CSMD1: variants seen among roughly 807,000 people sequenced by gnomAD.
The protein encoded by CSMD1 is CUB and sushi domain-containing protein 1.
A neutral mutation model predicts 417.5 loss-of-function variants in CSMD1; 213 were observed. The ratio of observed to expected loss-of-function variants is 0.51; its 90% CI spans 0.46 to 0.57. The LOEUF (loss-of-function observed/expected upper bound fraction) is 0.57. Ranked by LOEUF, CSMD1 falls within the 20% of genes least tolerant of loss-of-function variation. The probability of loss-of-function intolerance (pLI) is 0.00; values close to 1 mark genes in which losing one functional copy is unlikely to be tolerated. For synonymous variants in CSMD1, 2,862 were observed against 1,736.8 expected (o/e 1.65, Z -16.11); for missense variants, 6,923 against 4,529.7 (o/e 1.53, Z -15.17).
chr8:4,633,113 G>C (rs1037366152), intron 2 of CSMD1, among the ~76,000 whole-genome samples: 7 of 152,314 alleles, frequency 4.6e-5, no homozygotes, highest in South Asian at 2.1e-4. Context: ...GCCTGGGGCA[G>C]GAAAGGATCG....
intron 10 of CSMD1, among the ~76,000 whole-genome samples, chr8:3,529,590 C>G (rs184893342): frequency 1.3e-5 from 2 of 152,142 alleles, no homozygotes; most frequent in African/African-American, 4.8e-5. Context: ...CACAGGAATG[C>G]GATGCACATC....
chr8:2,990,920 T>C (rs1806329877), intron 54 of CSMD1, among the ~76,000 whole-genome samples: 1 of 152,218 alleles, frequency 6.6e-6, no homozygotes, highest in Non-Finnish European at 1.5e-5. Flanking sequence ...GCAGAACTGC[T>C]CTGGTCTTTC....
chr8:4,327,711 T>A (rs1296745268), intron 3 of CSMD1, among the ~76,000 whole-genome samples: 1 of 152,208 alleles, frequency 6.6e-6, no homozygotes, highest in Non-Finnish European at 1.5e-5. Context: ...ATTAGAAGTT[T>A]AAAATGAATA....
intron 1 of CSMD1, among the ~76,000 whole-genome samples, chr8:4,725,619 A>C (rs1809379750): frequency 6.6e-6 from 1 of 152,194 alleles, no homozygotes; most frequent in African/African-American, 2.4e-5. Context: ...CTTTTTAAAG[A>C]AGCCTCTTGA....
At chr8:4,399,771 T>C (rs867062050) in intron 3 of CSMD1, among the ~76,000 whole-genome samples, 1 of 152,212 alleles carries the variant, frequency 6.6e-6, no homozygotes. Flanking sequence ...ATTTTCCTCA[T>C]GTGAGTCTAT....
At chr8:4,375,337 G>C (rs1436156194) in intron 3 of CSMD1, among the ~76,000 whole-genome samples, 1 of 152,070 alleles carries the variant, frequency 6.6e-6, no homozygotes, top group East Asian at 1.9e-4. Flanking sequence ...TGTCAGGAGG[G>C]TGATCATCCT....
intron 2 of CSMD1, among the ~76,000 whole-genome samples, chr8:4,476,002 C>G (rs952789318): frequency 6.6e-6 from 1 of 151,962 alleles, no homozygotes; most frequent in Admixed American, 6.6e-5. Context: ...CTTTCATTTT[C>G]CGTAATTAAT....
intron 59 of CSMD1, among the ~76,000 whole-genome samples, chr8:2,964,497 A>C (rs1803782138): frequency 6.6e-6 from 1 of 152,208 alleles, no homozygotes; most frequent in Non-Finnish European, 1.5e-5. Context: ...GGAGGGACAG[A>C]GAGAGAAAGA....
rs1003118238 is a variant in CSMD1, at chr8:4,948,847, G to C, written c.85+45485C>G. Among the ~76,000 whole-genome samples, 4 of 152,156 alleles carry C rather than the reference G, an allele frequency of 2.6e-5. No individual in the cohort carries two copies. The East Asian group carries it at 5.8e-4, about 22-fold the overall frequency. ...TGCAGCATAAGGATTTTTAGAAAAG[G>C]TTATGGTGTGAATCTTTTCATTCCG... On this transcript the variant is annotated intron_variant, in intron 1 of 69. Transcript: ENST00000635120.
intron 2 of CSMD1, among the ~76,000 whole-genome samples, chr8:4,443,629 G>T (rs896645599): frequency 2.6e-5 from 4 of 152,138 alleles, no homozygotes; most frequent in Non-Finnish European, 5.9e-5. Flanking sequence ...AGAATGTACT[G>T]GAACAGCCAT....
intron 45 of CSMD1, chr8:3,106,942 G>C (rs1041909755): frequency 8.2e-6 from 2 of 244,768 alleles, no homozygotes; most frequent in Non-Finnish European, 1.6e-5. Flanking sequence ...GAAAAAAAAA[G>C]TAAAGTAGAA....
Position 3,713,598 on chromosome 8 carries a change from T to A in CSMD1, c.932-5107A>T, listed in dbSNP as rs528771939. Among the ~76,000 whole-genome samples the A allele has an allele frequency of 3.9e-5, 6 of 152,292 alleles. No homozygotes were observed. The South Asian group carries it at 1.2e-3, about 32-fold the overall frequency. ...GGAAACCAAGTCGTATCTTCTGCTCTTAATACACCCGTACCGTCCTTCATT... is the reference window on the plus strand; with the variant it reads ...GGAAACCAAGTCGTATCTTCTGCTCATAATACACCCGTACCGTCCTTCATT... On this transcript the variant is annotated intron_variant, in intron 6 of 69. Transcript: ENST00000635120.
intron 64 of CSMD1, among the ~76,000 whole-genome samples, chr8:2,954,958 G>T (rs753919472): frequency 2.0e-5 from 3 of 152,150 alleles, no homozygotes; most frequent in Non-Finnish European, 4.4e-5. Flanking sequence ...ATGCTGTTTA[G>T]ACTCCATGGA....
intron 1 of CSMD1, among the ~76,000 whole-genome samples, chr8:4,829,317 A>C (rs988565407): frequency 6.6e-6 from 1 of 152,204 alleles, no homozygotes; most frequent in African/African-American, 2.4e-5. Context: ...CATTATATTA[A>C]TCTATGTTTT....
intron 7 of CSMD1, among the ~76,000 whole-genome samples, chr8:3,699,767 G>T (rs571137084): frequency 6.6e-6 from 1 of 152,330 alleles, no homozygotes; most frequent in South Asian, 2.1e-4. Context: ...ACGAGGGACT[G>T]TTGAATGTGT....
intron 33 of CSMD1, among the ~76,000 whole-genome samples, chr8:3,194,572 C>T (rs1029776827): frequency 4.6e-5 from 7 of 151,838 alleles, no homozygotes; most frequent in African/African-American, 1.7e-4. Flanking sequence ...ATTCTCCTGC[C>T]TCAGCCTCTC....
chr8:3,969,331 G>C (rs2627457), intron 5 of CSMD1, among the ~76,000 whole-genome samples: 25,645 of 152,136 alleles, frequency 0.17, 2,219 homozygotes, highest in African/African-American at 0.2. Flanking sequence ...CCATGCTCTC[G>C]CTACTTGCTT....
rs1210847280 is a variant in CSMD1 at position 3,411,991 on chromosome 8, C to CGT, written c.1562-2388_1562-2387dup. Among the ~76,000 whole-genome samples the CGT allele has an allele frequency of 6.1e-4, 44 of 72,052 alleles. 15 individuals are homozygous for CGT. The South Asian group carries it at 9.5e-3, about 16-fold the overall frequency. The allele number at this position is 72,052 out of a possible 152,430, so 47.3% of individuals were successfully genotyped here. ...GCACGTATATATACACGTATATATA[C>CGT]GTGTATATACACGTATATATATACA... On this transcript the variant is annotated intron_variant, in intron 12 of 69. Transcript: ENST00000635120.
chr8:3,482,600 C>A (rs1200106561), intron 11 of CSMD1, among the ~76,000 whole-genome samples: 1 of 152,148 alleles, frequency 6.6e-6, no homozygotes, highest in East Asian at 1.9e-4. Context: ...AGCAAACAGG[C>A]AGAAAATATC....
Sources: gnomAD v4.1 joint callset for allele counts (sites outside exome capture counted in the v4.1 genomes callset) on GRCh38, gnomAD v4.1.1 for gene constraint, MANE v1.5 for transcripts, NCBI Gene and HGNC (gene_info 2026-07-23, HGNC 2026-07-21) for gene names.